ZCCHC7: variants seen among roughly 807,000 people sequenced by gnomAD.
ZCCHC7 encodes zinc finger CCHC domain-containing protein 7.
A neutral mutation model predicts 52.0 loss-of-function variants in ZCCHC7; 35 were observed. The observed-to-expected ratio is 0.67, with a 90% CI of 0.51 to 0.89. ZCCHC7 has a LOEUF of 0.89. Among genes scored for constraint, ZCCHC7 ranks in the 40% least tolerant of loss-of-function variants. The pLI, the probability that ZCCHC7 is intolerant of heterozygous loss-of-function variation, is 0.00. For missense variants in ZCCHC7, 574 were observed against 649.1 expected (o/e 0.88, Z 1.26); for synonymous variants, 217 against 221.5 (o/e 0.98, Z 0.18).
chr9:37,295,371 A>G (rs972844023), intron 2 of ZCCHC7, among the ~76,000 whole-genome samples: 2 of 152,264 alleles, frequency 1.3e-5, no homozygotes, highest in Non-Finnish European at 1.5e-5. Context: ...GGCACATTGT[A>G]TAGTATACAA....
intron 2 of ZCCHC7, among the ~76,000 whole-genome samples, chr9:37,198,289 T>G (rs2133141612): frequency 6.6e-6 from 1 of 152,342 alleles, no homozygotes; most frequent in East Asian, 1.9e-4. Flanking sequence ...TCAGACTGAA[T>G]AATTTTATTT....
chr9:37,324,337 A>G (rs1830159224), intron 5 of ZCCHC7, among the ~76,000 whole-genome samples: 3 of 152,218 alleles, frequency 2.0e-5, no homozygotes, highest in Non-Finnish European at 4.4e-5. Flanking sequence ...CCGCGCTCTC[A>G]TTAAGATTTG....
At chr9:37,356,004 C>CTT (rs59631000) in intron 8 of ZCCHC7, among the ~76,000 whole-genome samples, 87,891 of 151,812 alleles carry the variant, frequency 0.58, 26,078 homozygotes, top group African/African-American at 0.71. Flanking sequence ...GCAGTTATAA[C>CTT]TTATAATTAG....
At chr9:37,134,210 T>G (rs1842909634) in intron 2 of ZCCHC7, among the ~76,000 whole-genome samples, 1 of 152,072 alleles carries the variant, frequency 6.6e-6, no homozygotes, top group Non-Finnish European at 1.5e-5. Context: ...CTGTTAAACT[T>G]AAGTATCCTT....
At chr9:37,350,905 T>A (rs1360392518) in intron 7 of ZCCHC7, among the ~76,000 whole-genome samples, 4 of 152,202 alleles carry the variant, frequency 2.6e-5, no homozygotes, top group Non-Finnish European at 1.5e-5. Context: ...CAAGATAAAC[T>A]AATATCAAAC....
At chr9:37,199,794 C>T (rs1392196320) in intron 2 of ZCCHC7, among the ~76,000 whole-genome samples, 1 of 152,070 alleles carries the variant, frequency 6.6e-6, no homozygotes, top group Non-Finnish European at 1.5e-5. Flanking sequence ...CAAGCTCCAC[C>T]TCCTGGGTTC....
intron 2 of ZCCHC7, among the ~76,000 whole-genome samples, chr9:37,167,629 G>A (rs545664421): frequency 7.9e-5 from 12 of 152,020 alleles, no homozygotes; most frequent in Non-Finnish European, 1.3e-4. Context: ...ATTTTAACTT[G>A]TTTTATGCTG....
chr9:37,130,718 G>A (rs573833976), intron 2 of ZCCHC7, among the ~76,000 whole-genome samples: 8 of 151,384 alleles, frequency 5.3e-5, no homozygotes, highest in African/African-American at 1.9e-4. Flanking sequence ...GGATGGTCGC[G>A]ATCTCCTGAC....
At chr9:37,132,384 A>G (rs746988275) in intron 2 of ZCCHC7, among the ~76,000 whole-genome samples, 2 of 152,232 alleles carry the variant, frequency 1.3e-5, no homozygotes, top group Non-Finnish European at 1.5e-5. Flanking sequence ...ATATACAAAA[A>G]TAAAATGTTA....
chr9:37,299,301 A>G (rs754449321), intron 2 of ZCCHC7, among the ~76,000 whole-genome samples: 1 of 152,208 alleles, frequency 6.6e-6, no homozygotes, highest in Non-Finnish European at 1.5e-5. Context: ...GGAAGATTTA[A>G]TTCAGGTAAA....
At chr9:37,313,450 G>A (rs1187451916) in intron 5 of ZCCHC7, among the ~76,000 whole-genome samples, 1 of 152,136 alleles carries the variant, frequency 6.6e-6, no homozygotes, top group Non-Finnish European at 1.5e-5. Context: ...CTGTTACCAA[G>A]CCACCTAATA....
At chr9:37,283,536 A>C (rs1007508851) in intron 2 of ZCCHC7, among the ~76,000 whole-genome samples, 1 of 152,130 alleles carries the variant, frequency 6.6e-6, no homozygotes, top group African/African-American at 2.4e-5. Context: ...ACAGGGCTCT[A>C]ATTTATTTGA....
At chr9:37,323,616 A>C (rs955422713) in intron 5 of ZCCHC7, among the ~76,000 whole-genome samples, 1 of 152,204 alleles carries the variant, frequency 6.6e-6, no homozygotes, top group Non-Finnish European at 1.5e-5. Flanking sequence ...GCAAATTTTC[A>C]TGCAGAATAG....
chr9:37,314,668 G>A (rs997742113), intron 5 of ZCCHC7, among the ~76,000 whole-genome samples: 17 of 151,126 alleles, frequency 1.1e-4, no homozygotes, highest in Non-Finnish European at 2.1e-4. Flanking sequence ...GTCCTAGTAC[G>A]TGGGAGGATG....
At chr9:37,176,524 C>T (rs558592972) in intron 2 of ZCCHC7, among the ~76,000 whole-genome samples, 1 of 151,748 alleles carries the variant, frequency 6.6e-6, no homozygotes, top group South Asian at 2.1e-4. Context: ...TTGTGGTCTT[C>T]ATGTTGGAAT....
At chr9:37,258,107 T>C (rs956274463) in intron 2 of ZCCHC7, among the ~76,000 whole-genome samples, 6 of 152,210 alleles carry the variant, frequency 3.9e-5, no homozygotes, top group African/African-American at 1.4e-4. Flanking sequence ...AGAATAGATA[T>C]CGCTGGGCAA....
chr9:37,314,427 C>T (rs1829724459), intron 5 of ZCCHC7, among the ~76,000 whole-genome samples: 1 of 152,082 alleles, frequency 6.6e-6, no homozygotes, highest in African/African-American at 2.4e-5. Context: ...ATATGCCACC[C>T]CTTTTTAAAA....
intron 2 of ZCCHC7, among the ~76,000 whole-genome samples, chr9:37,255,015 T>C (rs151327150): frequency 2.0e-5 from 3 of 151,830 alleles, no homozygotes; most frequent in African/African-American, 7.2e-5. Context: ...GTTTATACTG[T>C]AGTCTACCCT....
intron 2 of ZCCHC7, among the ~76,000 whole-genome samples, chr9:37,271,198 GATCTA>G (rs1288468491): frequency 6.6e-6 from 1 of 152,158 alleles, no homozygotes; most frequent in Non-Finnish European, 1.5e-5. Flanking sequence ...TTTAAAAAAT[GATCTA>G]ATCTACATAT....
Sources: gnomAD v4.1 joint callset for allele counts (sites outside exome capture counted in the v4.1 genomes callset) on GRCh38, gnomAD v4.1.1 for gene constraint, MANE v1.5 for transcripts, NCBI Gene and HGNC (gene_info 2026-07-23, HGNC 2026-07-21) for gene names.